The following COPG2 variants were observed in gnomAD, a reference collection of about 807,000 sequenced individuals.
The protein encoded by COPG2 is coat protein complex I subunit gamma 2, also known as coatomer subunit gamma-2.
In COPG2, 37 loss-of-function variants were observed where a neutral mutation model predicts 46.3. The observed-to-expected ratio is 0.80, with a 90% confidence interval of 0.61 to 1.05. The LOEUF is 1.05. COPG2 is among the 50% of genes least tolerant of loss of function. The probability of loss-of-function intolerance (pLI) is 0.00; values close to 1 mark genes in which losing one functional copy is unlikely to be tolerated. For synonymous variants in COPG2, 159 were observed against 129.7 expected (o/e 1.23, Z -1.53); for missense variants, 427 against 387.8 (o/e 1.10, Z -0.85).
chr7:130,508,984 G>A (rs377643608), intron 20 of COPG2: 3 of 457,968 alleles, frequency 6.6e-6, no homozygotes, highest in African/African-American at 2.1e-5. Context: ...GGGCCTAAAT[G>A]TTGAAAAATA....
Position 130,548,430 on chromosome 7 carries a change from G to A in COPG2, c.1950C>T (p.His650=), listed in dbSNP as rs1458520333. 4 of 398,526 alleles carry A rather than the reference G, an allele frequency of 1.0e-5. No homozygotes were observed. The highest frequency in any genetic ancestry group is 1.3e-5 in the Non-Finnish European group (3 of 226,076). 24.7% of individuals were successfully genotyped at this position (398,526 alleles called of 1,614,324 possible). ...ETEYFVRCIK[H]MFTNHIVFQF... is the part of the protein sequence containing the mutation. ...GGAACACGATGTGATTGGTAAACAT[G>A]TGCTTGATACATCGAACAAAATATT... Residue 650 remains histidine (H), a synonymous_variant, in exon 19 of 24, where the codon CAC becomes CAT. Transcript: ENST00000425248.
At chr7:130,551,488 A>G (rs1793534169) in intron 15 of COPG2, 144 bp from the exon 16 acceptor site, 1 of 390,708 alleles carries the variant, frequency 2.6e-6, no homozygotes, top group African/African-American at 2.1e-5. Context: ...AGTGGCTCCT[A>G]AAGTCTTCAC....
intron 9 of COPG2, among the ~76,000 whole-genome samples, chr7:130,565,945 T>C (rs1032593640): frequency 6.6e-6 from 1 of 152,088 alleles, no homozygotes; most frequent in Non-Finnish European, 1.5e-5. Flanking sequence ...GAGACCTGTG[T>C]AACATGACCA....
intron 5 of COPG2, among the ~76,000 whole-genome samples, chr7:130,644,303 C>G (rs1554457765): frequency 6.6e-6 from 1 of 152,168 alleles, no homozygotes; most frequent in African/African-American, 2.4e-5. Flanking sequence ...CCTTTTGCAT[C>G]TAATCACTTT....
rs1349107265 is a variant in COPG2 at position 130,507,589 on chromosome 7, T to G, written c.2386+96A>C. ...TTTTAAGTAAGAGATTTATGAAGTT[T>G]TTTTTTTTTTAAAGGAGTTCTTCTG... On this transcript the variant is annotated intron_variant, in intron 22 of 23. Transcript: ENST00000425248. 4.4e-5 allele frequency: 29 copies of G among 660,814 alleles called. No individual in the cohort carries two copies. The South Asian group carries it at 4.9e-4, about 11-fold the overall frequency. 40.9% of individuals were successfully genotyped at this position (660,814 alleles called of 1,614,324 possible). A position where few individuals can be genotyped will look rare whatever the true frequency, so the allele number is the denominator to read the frequency against.
At chr7:130,591,057 C>A (rs1794399257) in intron 9 of COPG2, among the ~76,000 whole-genome samples, 1 of 150,742 alleles carries the variant, frequency 6.6e-6, no homozygotes. Flanking sequence ...GGGTCAGCCC[C>A]CCGCCCGGCC....
chr7:130,538,224 A>AGT (rs1491539157), intron 20 of COPG2, among the ~76,000 whole-genome samples: 1 of 152,138 alleles, frequency 6.6e-6, no homozygotes, highest in Non-Finnish European at 1.5e-5. Flanking sequence ...GGGAGGAAAC[A>AGT]GTGGTGCAGG....
chr7:130,517,805 TAATTAG>T (rs1799691648), intron 20 of COPG2, among the ~76,000 whole-genome samples: 1 of 152,222 alleles, frequency 6.6e-6, no homozygotes, highest in Non-Finnish European at 1.5e-5. Context: ...AGCACTGTGT[TAATTAG>T]AGCAGGGTTC....
intron 5 of COPG2, among the ~76,000 whole-genome samples, chr7:130,632,464 T>C (rs1481359391): frequency 6.6e-6 from 1 of 152,220 alleles, no homozygotes; most frequent in Non-Finnish European, 1.5e-5. Context: ...ACTTAGTTTC[T>C]TGAGTCTGTA....
intron 20 of COPG2, among the ~76,000 whole-genome samples, chr7:130,542,657 T>C (rs1437282201): frequency 6.6e-6 from 1 of 152,068 alleles, no homozygotes; most frequent in Non-Finnish European, 1.5e-5. Flanking sequence ...ACACTGTGTG[T>C]AGACTGTGCA....
rs369190066 is a variant in COPG2, at chr7:130,662,124, T to C, written c.243+843A>G. Among the ~76,000 whole-genome samples the C allele has an allele frequency of 9.9e-5, 15 of 152,124 alleles. 1 individual carries two copies. The South Asian group carries it at 1.2e-3, about 13-fold the overall frequency. ...CATCTTCTGCTAGTAGAAGCATCAG[T>C]CCTTTATCCCATATGTGAGGAAATT... On this transcript the variant is annotated intron_variant, in intron 4 of 23. Transcript: ENST00000425248.
intron 20 of COPG2, among the ~76,000 whole-genome samples, chr7:130,517,962 A>C (rs1171051788): frequency 2.0e-5 from 3 of 151,366 alleles, no homozygotes; most frequent in African/African-American, 7.3e-5. Context: ...GATGGTGAAG[A>C]GCAGCGAAGG....
intron 5 of COPG2, among the ~76,000 whole-genome samples, chr7:130,623,337 T>C (rs763823223): frequency 1.6e-4 from 25 of 152,194 alleles, no homozygotes; most frequent in South Asian, 2.1e-4. Flanking sequence ...TCCATTTGTA[T>C]CAGATTGTAT....
chr7:130,597,109 T>C (rs1244789281), intron 9 of COPG2, among the ~76,000 whole-genome samples: 1 of 152,200 alleles, frequency 6.6e-6, no homozygotes, highest in Non-Finnish European at 1.5e-5. Flanking sequence ...GGACACCAGA[T>C]ACCCTGCACG....
Position 130,523,161 on chromosome 7 carries a change from C to G in COPG2, c.2150-14502G>C, listed in dbSNP as rs956871375. Among the ~76,000 whole-genome samples, 19 of 132,622 alleles carry G rather than the reference C, an allele frequency of 1.4e-4. No homozygotes were observed. In the East Asian group the frequency reaches 4.2e-3, roughly 29 times the overall value. The allele number at this position is 132,622 out of a possible 152,430, so 87.0% of individuals were successfully genotyped here. A position where few individuals can be genotyped will look rare whatever the true frequency, so the allele number is the denominator to read the frequency against. On this transcript the variant is annotated intron_variant, in intron 20 of 23. Transcript: ENST00000425248. Reference sequence around the variant, plus strand: ...AAGGCTCCAGGCCTCAAACGGGAGACTGAAGTGCAGGGAGTCCAGGTGGCC... The same window carrying G: ...AAGGCTCCAGGCCTCAAACGGGAGAGTGAAGTGCAGGGAGTCCAGGTGGCC...
chr7:130,533,110 G>A (rs1010847990), intron 20 of COPG2, among the ~76,000 whole-genome samples: 3 of 152,130 alleles, frequency 2.0e-5, no homozygotes, highest in Non-Finnish European at 4.4e-5. Context: ...GTTGGAGCAG[G>A]TTATGGAGCC....
intron 9 of COPG2, chr7:130,607,364 T>G: frequency 5.1e-6 from 2 of 389,598 alleles, no homozygotes; most frequent in Non-Finnish European, 1.0e-5. Context: ...AGGGTTAGTT[T>G]CTATTGATTG....
rs56407472 is a variant in COPG2, at chr7:130,663,097, C to A, written c.172-59G>T. 4.8e-3 allele frequency: 3,886 copies of A among 811,046 alleles called. 17 individuals carry two copies. The highest frequency in any genetic ancestry group is 5.7e-3 in the Non-Finnish European group (3,014 of 531,128). The allele number at this position is 811,046 out of a possible 1,614,324, so 50.2% of individuals were successfully genotyped here. A position where few individuals can be genotyped will look rare whatever the true frequency, so the allele number is the denominator to read the frequency against. ...AAAAGTGTATATTCATATATATGTACATATACACACACAGGATTTTCTATT... is the reference window on the plus strand; with the variant it reads ...AAAAGTGTATATTCATATATATGTAAATATACACACACAGGATTTTCTATT... On this transcript the variant is annotated intron_variant, in intron 3 of 23. Transcript: ENST00000425248.
intron 9 of COPG2, among the ~76,000 whole-genome samples, chr7:130,584,803 T>G (rs1274275349): frequency 2.6e-5 from 4 of 152,024 alleles, no homozygotes; most frequent in African/African-American, 9.6e-5. Flanking sequence ...CTGAAAGAAA[T>G]CATACATGAC....
Sources: allele counts gnomAD v4.1 joint callset (sites outside exome capture counted in the v4.1 genomes callset), GRCh38; gene constraint gnomAD v4.1.1; transcripts MANE v1.5; gene names NCBI Gene and HGNC (gene_info 2026-07-23, HGNC 2026-07-21).